SRFBP1: variants seen among roughly 807,000 people sequenced by gnomAD.
SRFBP1 encodes serum response factor binding protein 1, also known as serum response factor-binding protein 1.
In SRFBP1, 47 loss-of-function variants were observed where a neutral mutation model predicts 45.5. The observed-to-expected ratio is 1.03, with a 90% confidence interval of 0.82 to 1.32. The LOEUF (loss-of-function observed/expected upper bound fraction) is 1.32. Among genes scored for constraint, SRFBP1 ranks in the 40% most tolerant of loss-of-function variants. The pLI, the probability that SRFBP1 is intolerant of heterozygous loss-of-function variation, is 0.00. For synonymous variants in SRFBP1, 203 were observed against 166.3 expected, an observed-to-expected ratio of 1.22 and a Z score of -1.70; for missense variants, 621 against 484.6, an observed-to-expected ratio of 1.28 and a Z score of -2.64.
intron 1 of SRFBP1, among the ~76,000 whole-genome samples, chr5:121,972,426 T>C (rs931175196): frequency 6.6e-6 from 1 of 151,862 alleles, no homozygotes; most frequent in Non-Finnish European, 1.5e-5. Context: ...ACAGGCATTG[T>C]AGAGTGAACT....
chr5:122,070,273 T>G (rs1456914012), intron 2 of SRFBP1: 1 of 735,082 alleles, frequency 1.4e-6, no homozygotes, highest in African/African-American at 1.7e-5. Flanking sequence ...GGATTTTAAC[T>G]TAAGTAAGTG....
chr5:121,985,597 A>G (rs1298889992), intron 3 of SRFBP1, among the ~76,000 whole-genome samples: 4 of 151,898 alleles, frequency 2.6e-5, no homozygotes, highest in South Asian at 2.1e-4. Context: ...GTTTACTGAC[A>G]TGTCTGGTTT....
chr5:122,037,106 C>G (rs555013870), intron 2 of SRFBP1, among the ~76,000 whole-genome samples: 3 of 152,216 alleles, frequency 2.0e-5, no homozygotes, highest in Admixed American at 2.0e-4. Context: ...CTATATTGAT[C>G]AGGCTGGTCT....
chr5:122,074,023 G>A, intron 2 of SRFBP1: 1 of 1,613,832 alleles, frequency 6.2e-7, no homozygotes, highest in Non-Finnish European at 8.5e-7. Flanking sequence ...CTGTGTGTGT[G>A]CAGTACATGC....
chr5:122,062,447 A>G (rs1342223939), intron 2 of SRFBP1, among the ~76,000 whole-genome samples: 1 of 152,020 alleles, frequency 6.6e-6, no homozygotes. Context: ...GGAAAGATCT[A>G]CACACCCCTA....
At chr5:122,061,043 T>G (rs778013375) in intron 2 of SRFBP1, among the ~76,000 whole-genome samples, 7 of 152,146 alleles carry the variant, frequency 4.6e-5, no homozygotes, top group Non-Finnish European at 8.8e-5. Flanking sequence ...AAAAATAATG[T>G]CAAAAATAAT....
chr5:122,022,510 A>G lies in SRFBP1; in HGVS notation c.1105+103A>G, dbSNP rs552214877. On this transcript the variant is annotated intron_variant, in intron 7 of 7. Coordinates refer to ENST00000339397, the MANE Select transcript of SRFBP1 (RefSeq NM_152546.3). ...TTGCTTAATATAGCCTGAATGAATT[A>G]TGTACCCACAGAAATGTTAACAGAG... is the stretch of plus-strand genomic sequence containing the variant. 229 of 910,156 alleles carry G rather than the reference A, an allele frequency of 2.5e-4. 4 individuals are homozygous for G. In the South Asian group the frequency reaches 4.2e-3, roughly 17 times the overall value. The allele number at this position is 910,156 out of a possible 1,614,324, so 56.4% of individuals were successfully genotyped here.
At chr5:122,026,365 T>C (rs1317152749) in intron 7 of SRFBP1, among the ~76,000 whole-genome samples, 1 of 152,254 alleles carries the variant, frequency 6.6e-6, no homozygotes, top group African/African-American at 2.4e-5. Context: ...TGGAGATTAA[T>C]GTTACAACTA....
At chr5:122,059,351 T>C (rs1451547677) in intron 2 of SRFBP1, among the ~76,000 whole-genome samples, 1 of 152,120 alleles carries the variant, frequency 6.6e-6, no homozygotes, top group Non-Finnish European at 1.5e-5. Context: ...GTGAGGAAAC[T>C]GTACCATGTA....
At chr5:122,014,593 G>A (rs1472030487) in intron 4 of SRFBP1, among the ~76,000 whole-genome samples, 2 of 152,016 alleles carry the variant, frequency 1.3e-5, no homozygotes, top group East Asian at 3.9e-4. Flanking sequence ...TCATTCATGA[G>A]ATTCGTACAT....
intron 2 of SRFBP1, among the ~76,000 whole-genome samples, chr5:122,057,546 C>T (rs541087271): frequency 6.6e-6 from 1 of 151,440 alleles, no homozygotes; most frequent in East Asian, 1.9e-4. Flanking sequence ...AGGCTGGTCT[C>T]AAACTCCTGT....
At chr5:122,063,911 G>A (rs1754231570) in intron 2 of SRFBP1, 2 of 151,940 alleles carry the variant, frequency 1.3e-5, no homozygotes, top group South Asian at 4.1e-4. Context: ...GTAATTGGAT[G>A]ATAGAAATTG....
intron 3 of SRFBP1, among the ~76,000 whole-genome samples, chr5:121,980,961 G>T (rs1752396492): frequency 6.6e-6 from 1 of 152,102 alleles, no homozygotes; most frequent in Non-Finnish European, 1.5e-5. Context: ...AAACCATGCT[G>T]ATTGCAGTTG....
chr5:122,057,881 G>T (rs1250101134), intron 2 of SRFBP1, among the ~76,000 whole-genome samples: 1 of 151,234 alleles, frequency 6.6e-6, no homozygotes, highest in Non-Finnish European at 1.5e-5. Flanking sequence ...TCTTTTCAGA[G>T]TTGCCCATGC....
chr5:122,021,849 GTT>G (rs573714008), intron 6 of SRFBP1, among the ~76,000 whole-genome samples: 1 of 142,286 alleles, frequency 7.0e-6, no homozygotes, highest in African/African-American at 2.6e-5. Context: ...GCTAATTTTT[GTT>G]TTTTTTTTGT....
intron 3 of SRFBP1, among the ~76,000 whole-genome samples, chr5:121,978,917 TCTC>T (rs1397455887): frequency 3.9e-5 from 6 of 152,160 alleles, no homozygotes; most frequent in Non-Finnish European, 5.9e-5. Context: ...ACCTCTTACT[TCTC>T]CTCTAGTTTA....
chr5:121,982,451 T>C (rs78371926), intron 3 of SRFBP1, among the ~76,000 whole-genome samples: 3,988 of 151,984 alleles, frequency 0.026, 177 homozygotes, highest in African/African-American at 0.091. Flanking sequence ...CTTAACACTT[T>C]TGCATTTTTA....
At chr5:122,068,174 T>TA (rs10650287) in intron 2 of SRFBP1, among the ~76,000 whole-genome samples, 82,607 of 115,810 alleles carry the variant, frequency 0.71, 29,601 homozygotes, top group East Asian at 0.9. Flanking sequence ...TAATAACTAG[T>TA]AAAAAAAAAA....
intron 4 of SRFBP1, among the ~76,000 whole-genome samples, chr5:122,015,907 A>G (rs907783620): frequency 5.9e-5 from 9 of 152,136 alleles, no homozygotes; most frequent in Non-Finnish European, 1.3e-4. Flanking sequence ...GCTCTAAGTC[A>G]TATATCCCCT....
Sources: allele counts gnomAD v4.1 joint callset (sites outside exome capture counted in the v4.1 genomes callset), GRCh38; gene constraint gnomAD v4.1.1; transcripts MANE v1.5; gene names NCBI Gene and HGNC (gene_info 2026-07-23, HGNC 2026-07-21).